NOS1AP: variants seen among roughly 807,000 people sequenced by gnomAD.
The protein encoded by NOS1AP is nitric oxide synthase 1 adaptor protein, also known as carboxyl-terminal PDZ ligand of neuronal nitric oxide synthase protein.
In NOS1AP, 21 loss-of-function variants were observed where a neutral mutation model predicts 56.2. The observed-to-expected ratio is 0.37, with a 90% CI of 0.26 to 0.54. NOS1AP has a LOEUF of 0.54. Ranked by LOEUF, NOS1AP falls within the 20% of genes least tolerant of loss-of-function variation. The pLI is 0.84. For missense variants in NOS1AP, 522 were observed against 657.8 expected (o/e 0.79, Z 2.26); for synonymous variants, 270 against 274.6 (o/e 0.98, Z 0.17).
At chr1:162,284,999 C>T (rs979513750) in intron 2 of NOS1AP, among the ~76,000 whole-genome samples, 2 of 152,134 alleles carry the variant, frequency 1.3e-5, no homozygotes, top group Admixed American at 6.5e-5. Flanking sequence ...TAGTGTTTTG[C>T]AGAGGTAGGT....
chr1:162,317,873 A>G (rs1656281351), intron 4 of NOS1AP: 1 of 152,200 alleles, frequency 6.6e-6, no homozygotes, highest in Non-Finnish European at 1.5e-5. Context: ...CACTTTACTA[A>G]ACATTAAACT....
intron 4 of NOS1AP, among the ~76,000 whole-genome samples, chr1:162,315,363 C>A (rs562276564): frequency 6.2e-4 from 94 of 152,330 alleles, no homozygotes; most frequent in African/African-American, 2.2e-3. Flanking sequence ...TTGCACTAAA[C>A]ACCTGTCTAG....
At chr1:162,216,304 A>T (rs1240838712) in intron 2 of NOS1AP, among the ~76,000 whole-genome samples, 1 of 152,226 alleles carries the variant, frequency 6.6e-6, no homozygotes. Flanking sequence ...CACAGATGCC[A>T]TGAAGGGAAG....
In NOS1AP at chr1:162,366,213, C is replaced by T. The variant is rs568331023; in HGVS notation, c.1105+644C>T. Among the ~76,000 whole-genome samples, 37 of 152,248 alleles carry T rather than the reference C, an allele frequency of 2.4e-4. No individual in the cohort carries two copies. In the South Asian group the frequency reaches 6.8e-3, roughly 28 times the overall value. ...TTCACGCCTTCCTCTTGAGCCTTTC[C>T]GTGGGTTGTTTGCATGCTCAGAGTG... On this transcript the variant is annotated intron_variant, in intron 9 of 9. Transcript: ENST00000361897.
At chr1:162,329,908 T>A (rs1196425180) in intron 4 of NOS1AP, among the ~76,000 whole-genome samples, 1 of 152,224 alleles carries the variant, frequency 6.6e-6, no homozygotes, top group African/African-American at 2.4e-5. Flanking sequence ...TGAAATCAGA[T>A]ATAGCAGAGC....
intron 3 of NOS1AP, among the ~76,000 whole-genome samples, chr1:162,293,740 A>G (rs1655347688): frequency 6.6e-6 from 1 of 152,232 alleles, no homozygotes; most frequent in African/African-American, 2.4e-5. Flanking sequence ...GACTGATTTC[A>G]TCATTTGGAG....
At chr1:162,293,807 G>C (rs1158883945) in intron 3 of NOS1AP, among the ~76,000 whole-genome samples, 1 of 152,204 alleles carries the variant, frequency 6.6e-6, no homozygotes, top group African/African-American at 2.4e-5. Flanking sequence ...ACTGGACTAG[G>C]TGGCCTTGGA....
intron 2 of NOS1AP, among the ~76,000 whole-genome samples, chr1:162,171,318 C>T (rs1162911144): frequency 6.6e-6 from 1 of 152,076 alleles, no homozygotes; most frequent in Non-Finnish European, 1.5e-5. Context: ...TTTGTTCTTT[C>T]TGCTTTAATT....
At chr1:162,159,714 A>G (rs1055041047) in intron 2 of NOS1AP, among the ~76,000 whole-genome samples, 3 of 152,150 alleles carry the variant, frequency 2.0e-5, no homozygotes. Flanking sequence ...CTCAGTAAAC[A>G]TTTGTTGAGT....
At chr1:162,156,663 A>G (rs1649989873) in intron 2 of NOS1AP, among the ~76,000 whole-genome samples, 1 of 152,206 alleles carries the variant, frequency 6.6e-6, no homozygotes, top group Non-Finnish European at 1.5e-5. Context: ...TATCACTATC[A>G]TTATGAAAGT....
At chr1:162,074,396 T>C (rs937082546) in intron 1 of NOS1AP, among the ~76,000 whole-genome samples, 1 of 152,184 alleles carries the variant, frequency 6.6e-6, no homozygotes, top group Non-Finnish European at 1.5e-5. Flanking sequence ...ACTCATTGCC[T>C]AGATTGTTCC....
At chr1:162,137,141 A>AC (rs778952135) in intron 1 of NOS1AP, among the ~76,000 whole-genome samples, 21 of 151,592 alleles carry the variant, frequency 1.4e-4, no homozygotes, top group Non-Finnish European at 2.4e-4. Flanking sequence ...TCTTTGATGG[A>AC]CCCCCCTGTC....
intron 1 of NOS1AP, among the ~76,000 whole-genome samples, chr1:162,148,625 CATGTGGCT>C (rs1412064402): frequency 6.6e-6 from 1 of 152,210 alleles, no homozygotes; most frequent in Non-Finnish European, 1.5e-5. Context: ...GAAGCTGGAC[CATGTGGCT>C]ATGTAGGCCA....
Position 162,335,168 on chromosome 1 carries a change from C to T in NOS1AP, c.453+2043C>T, listed in dbSNP as rs115635207. Among the ~76,000 whole-genome samples the T allele has an allele frequency of 8.1e-3, 1,226 of 152,286 alleles. 13 individuals carry two copies. The highest frequency in any genetic ancestry group is 0.027 in the African/African-American group (1,126 of 41,554). ...TTTCCATGTCTCGTAGCTCTTACAG[C>T]GAATTCTGATCTCTGGCTTTCCTGT... On this transcript the variant is annotated intron_variant, in intron 5 of 9. Transcript: ENST00000361897.
chr1:162,120,035 GA>G (rs1336269737), intron 1 of NOS1AP, among the ~76,000 whole-genome samples: 1 of 151,814 alleles, frequency 6.6e-6, no homozygotes, highest in Non-Finnish European at 1.5e-5. Context: ...AACCTCTTAG[GA>G]AAGCAACTTG....
chr1:162,204,856 G>T lies in NOS1AP; in HGVS notation c.177+50380G>T, dbSNP rs184439848. Among the ~76,000 whole-genome samples the T allele has an allele frequency of 1.2e-3, 177 of 152,290 alleles. 1 individual carries two copies. The highest frequency in any genetic ancestry group is 4.1e-3 in the African/African-American group (170 of 41,554). On this transcript the variant is annotated intron_variant, in intron 2 of 9. Transcript: ENST00000361897. ...TACGTGCACATGTGTGGCTGTGGGTGCTTGTGTGGGATGTGAATGGATGGT... is the reference window on the plus strand; with the variant it reads ...TACGTGCACATGTGTGGCTGTGGGTTCTTGTGTGGGATGTGAATGGATGGT...
chr1:162,115,533 G>A (rs1647910215), intron 1 of NOS1AP, among the ~76,000 whole-genome samples: 1 of 152,146 alleles, frequency 6.6e-6, no homozygotes, highest in African/African-American at 2.4e-5. Flanking sequence ...GATGGTGAGA[G>A]CTTTGCCTCT....
intron 6 of NOS1AP, among the ~76,000 whole-genome samples, chr1:162,348,910 G>T (rs549978644): frequency 1.1e-4 from 17 of 152,332 alleles, no homozygotes; most frequent in Non-Finnish European, 1.8e-4. Context: ...ACTTTGCCGG[G>T]CGCAGTGGCT....
rs1439311957 is a variant in NOS1AP, at chr1:162,122,310, A to G, written c.106-32095A>G. 2.0e-5 allele frequency among the ~76,000 whole-genome samples: 3 copies of G among 152,220 alleles called. No individual in the cohort carries two copies. The South Asian group carries it at 6.2e-4, about 31-fold the overall frequency. On this transcript the variant is annotated intron_variant, in intron 1 of 9. Coordinates refer to ENST00000361897, the MANE Select transcript of NOS1AP (RefSeq NM_014697.3). ...CTCTTTGGTGGGCATGTAACAAAAT[A>G]ACTTCAATTTTTATTTCACACAGGA...
Sources: gnomAD v4.1 joint callset for allele counts (sites outside exome capture counted in the v4.1 genomes callset) on GRCh38, gnomAD v4.1.1 for gene constraint, MANE v1.5 for transcripts, NCBI Gene and HGNC (gene_info 2026-07-23, HGNC 2026-07-21) for gene names.